The following SSH1 variants were observed in gnomAD, a reference collection of about 807,000 sequenced individuals.
The protein encoded by SSH1 is slingshot protein phosphatase 1.
A neutral mutation model predicts 79.7 loss-of-function variants in SSH1; 43 were observed. That is an observed-to-expected ratio of 0.54 (90% CI 0.42 to 0.70). The LOEUF is 0.70. SSH1 is among the 30% of genes least tolerant of loss of function. The probability of loss-of-function intolerance (pLI) is 0.00; values close to 1 mark genes in which losing one functional copy is unlikely to be tolerated. For missense variants in SSH1, 1,206 were observed against 1,358.8 expected, an observed-to-expected ratio of 0.89 and a Z score of 1.77; for synonymous variants, 599 against 538.3, an observed-to-expected ratio of 1.11 and a Z score of -1.56.
chr12:108,835,608 TC>T (rs1395612257), intron 2 of SSH1, among the ~76,000 whole-genome samples: 20 of 150,978 alleles, frequency 1.3e-4, no homozygotes, highest in Admixed American at 2.6e-4. Context: ...GAAAACAGTC[TC>T]AAAAAAGTCC....
chr12:108,821,438 T>C (rs1593089551), intron 3 of SSH1, among the ~76,000 whole-genome samples: 3 of 148,718 alleles, frequency 2.0e-5, no homozygotes, highest in Admixed American at 2.0e-4. Context: ...GAATGAAGGG[T>C]CTGTTTATAG....
chr12:108,818,190 C>G, intron 4 of SSH1, 59 bp downstream of exon 4: 340 of 1,291,680 alleles, frequency 2.6e-4, no homozygotes, highest in Non-Finnish European at 3.4e-4. Context: ...AGAGCAAGAC[C>G]CTCATCTCAC....
Position 108,816,829 on chromosome 12 carries a change from T to C in SSH1, c.401+209A>G, listed in dbSNP as rs577281922. ...CTTTCTGTCCTCTCAATTGACTGAG[T>C]TCTGAGAGCACAGCCTGGAGCTGGC... On this transcript the variant is annotated intron_variant, in intron 5 of 14. Coordinates refer to ENST00000326495, the MANE Select transcript of SSH1 (RefSeq NM_018984.4). 4.0e-5 allele frequency among the ~76,000 whole-genome samples: 6 copies of C among 149,450 alleles called. No individual in the cohort carries two copies. The South Asian group carries it at 1.3e-3, about 32-fold the overall frequency.
chr12:108,836,288 T>C (rs115103730), intron 2 of SSH1, among the ~76,000 whole-genome samples: 3 of 152,080 alleles, frequency 2.0e-5, no homozygotes, highest in Non-Finnish European at 2.9e-5. Flanking sequence ...TACATACAAA[T>C]GTTCCCTAAT....
intron 2 of SSH1, among the ~76,000 whole-genome samples, chr12:108,847,519 A>T (rs2038924792): frequency 6.6e-6 from 1 of 152,200 alleles, no homozygotes. Flanking sequence ...GCTGGAGTGC[A>T]GTGACGCAAA....
At position 108,818,332 on chromosome 12, in the gene SSH1, A is replaced by G; in HGVS notation, c.215-19T>C. The G allele has an allele frequency of 6.2e-7, 1 of 1,611,528 alleles. No homozygotes were observed. The highest frequency in any genetic ancestry group is 8.5e-7 in the Non-Finnish European group (1 of 1,177,916). On this transcript the variant is annotated intron_variant, in intron 3 of 14. Coordinates refer to ENST00000326495, the MANE Select transcript of SSH1 (RefSeq NM_018984.4). ...AGATCACCTGTTGGACCAATAAAGA[A>G]AGCTTTAAAAGGTCTCTTACCTACT...
At chr12:108,808,990 C>T (rs1240921466) in intron 7 of SSH1, among the ~76,000 whole-genome samples, 1 of 151,786 alleles carries the variant, frequency 6.6e-6, no homozygotes, top group Non-Finnish European at 1.5e-5. Flanking sequence ...TGTACCGTCA[C>T]ACCTGGCTAT....
intron 2 of SSH1, chr12:108,827,461 G>A (rs1268515786): frequency 7.7e-7 from 1 of 1,297,934 alleles, no homozygotes; most frequent in Non-Finnish European, 9.8e-7. Flanking sequence ...TTCCACGAGG[G>A]CTGGGGAGCC....
At chr12:108,835,850 T>C (rs1330257133) in intron 2 of SSH1, among the ~76,000 whole-genome samples, 2 of 133,226 alleles carry the variant, frequency 1.5e-5, no homozygotes, top group Non-Finnish European at 3.2e-5. Context: ...TTAATATATT[T>C]ATGATATATA....
rs1382017463 is a variant in SSH1, at chr12:108,805,083, G to A, written c.927C>T (p.Pro309=). The A allele has an allele frequency of 6.2e-7, 1 of 1,614,150 alleles. No individual in the cohort carries two copies. The highest frequency in any genetic ancestry group is 8.5e-7 in the Non-Finnish European group (1 of 1,180,012). ...MLLILGQMDK[P]SLIFDHLYLG... ...GATAAAGATGATCGAAGATAAGGGA[G>A]GGCTTGTCCATCTGTCCCAAGATAA... The change falls in exon 10 of 15, where the codon CCC becomes CCT. Residue 309 remains proline (P), a synonymous_variant. Transcript: ENST00000326495.
Position 108,792,418 on chromosome 12 carries a change from C to T in SSH1, c.1761G>A (p.Val587=). The T allele has an allele frequency of 6.2e-7, 1 of 1,614,210 alleles. No individual in the cohort carries two copies. Among genetic ancestry groups the T allele is most frequent in the Non-Finnish European group, 8.5e-7 (1 of 1,180,036 alleles). The part of the protein sequence containing the change: ...PKGRSGSLLQ[V]EETEREEGLG... ...GGCCCTCCTCCCTTTCCGTCTCCTC[C>T]ACCTGCAGCAAGGAGCCGCTCCGAC... The change falls in exon 14 of 15, where the codon GTG becomes GTA. Residue 587 remains valine, a synonymous_variant. Transcript: ENST00000326495.
intron 2 of SSH1, among the ~76,000 whole-genome samples, chr12:108,838,915 T>C (rs2038707884): frequency 6.6e-6 from 1 of 152,236 alleles, no homozygotes. Flanking sequence ...TGTCATGTAT[T>C]ACATGTACAA....
chr12:108,788,930 T>TA lies in SSH1; in HGVS notation c.2207_2208insT (p.Pro737ThrfsTer27). On this transcript the variant is annotated frameshift_variant, in exon 15 of 15. Transcript: ENST00000326495. LOFTEE classifies it low-confidence loss of function (END_TRUNC). ...TGGAAGGTTCCAAAAGGCTGGCTGG[T>TA]GGCTCTAGGGCAGCTCCAGCCCCAG... 1.9e-6 allele frequency: 3 copies of TA among 1,614,114 alleles called. No individual in the cohort carries two copies. The highest frequency in any genetic ancestry group is 2.5e-6 in the Non-Finnish European group (3 of 1,180,016).
At chr12:108,856,434 G>A (rs1452626673) in intron 1 of SSH1, among the ~76,000 whole-genome samples, 1 of 152,222 alleles carries the variant, frequency 6.6e-6, no homozygotes, top group Non-Finnish European at 1.5e-5. Context: ...CGCGCACAGT[G>A]CCAGGACACG....
At chr12:108,793,120 ATC>A (rs1287817898) in intron 13 of SSH1, among the ~76,000 whole-genome samples, 1 of 152,190 alleles carries the variant, frequency 6.6e-6, no homozygotes, top group Non-Finnish European at 1.5e-5. Flanking sequence ...CAATCTGTGT[ATC>A]TGTGTTTAGT....
chr12:108,832,861 T>G (rs2038507216), intron 2 of SSH1, among the ~76,000 whole-genome samples: 1 of 152,154 alleles, frequency 6.6e-6, no homozygotes, highest in African/African-American at 2.4e-5. Flanking sequence ...GCTCCCAAAT[T>G]GTACCCCCCT....
At chr12:108,843,862 T>C (rs1329346251) in intron 2 of SSH1, among the ~76,000 whole-genome samples, 1 of 152,134 alleles carries the variant, frequency 6.6e-6, no homozygotes, top group African/African-American at 2.4e-5. Flanking sequence ...AAAGGGGCTC[T>C]CCCATGTTCA....
Position 108,792,403 on chromosome 12 carries a change from C to A in SSH1, c.1776G>T (p.Arg592Ser). The change falls in exon 14 of 15, where the codon AGG (arginine) becomes AGT (serine). Residue 592 changes from arginine to serine, a missense_variant. This residue lies in a region of SSH1 where 709 missense variants were observed against 730.6 expected (regional missense o/e 0.97). Transcript: ENST00000326495. ...GSLLQVEETEREEGLGAGRWG... is the reference protein window; with the variant it reads ...GSLLQVEETESEEGLGAGRWG... Reference sequence around the variant, plus strand: ...ACCTCCCTGCTCCCAGGCCCTCCTCCCTTTCCGTCTCCTCCACCTGCAGCA... The same window carrying A: ...ACCTCCCTGCTCCCAGGCCCTCCTCACTTTCCGTCTCCTCCACCTGCAGCA... 1.2e-6 allele frequency: 2 copies of A among 1,614,214 alleles called. No homozygotes were observed. Among genetic ancestry groups the A allele is most frequent in the Non-Finnish European group, 1.7e-6 (2 of 1,180,036 alleles).
intron 2 of SSH1, among the ~76,000 whole-genome samples, chr12:108,829,567 G>C (rs1280536642): frequency 6.6e-6 from 1 of 152,084 alleles, no homozygotes; most frequent in Non-Finnish European, 1.5e-5. Context: ...TTAAGGAATG[G>C]GTATATGTGC....
Sources: allele counts gnomAD v4.1 joint callset (sites outside exome capture counted in the v4.1 genomes callset), GRCh38; gene constraint gnomAD v4.1.1; regional missense constraint gnomAD v4.1.1; transcripts MANE v1.5; gene names NCBI Gene and HGNC (gene_info 2026-07-23, HGNC 2026-07-21).